The following ESRRB variants were observed in gnomAD, a reference collection of about 807,000 sequenced individuals.
The protein encoded by ESRRB is steroid hormone receptor ERR2.
In ESRRB, 16 loss-of-function variants were observed where a neutral mutation model predicts 46.0. That is an observed-to-expected ratio of 0.35 (90% CI 0.24 to 0.53). The LOEUF (loss-of-function observed/expected upper bound fraction) is 0.53, where lower values mean the gene tolerates loss of function less well. Ranked by LOEUF, ESRRB falls within the 20% of genes least tolerant of loss-of-function variation. The pLI is 0.93. For missense variants in ESRRB, 488 were observed against 607.4 expected, an observed-to-expected ratio of 0.80 and a Z score of 2.07; for synonymous variants, 246 against 259.6, an observed-to-expected ratio of 0.95 and a Z score of 0.50.
rs949830999 is a variant in ESRRB, at chr14:76,436,009, C to T, written c.51-3332C>T. ...CCTGATAGAGTTAATAGCGGGTTTC[C>T]CTCACCAACCCTGATAGAGGCCAGC... On this transcript the variant is annotated intron_variant, in intron 1 of 6. Transcript: ENST00000644823. Among the ~76,000 whole-genome samples, 11 of 152,300 alleles carry T rather than the reference C, an allele frequency of 7.2e-5. No individual in the cohort carries two copies. The South Asian group carries it at 8.3e-4, about 11-fold the overall frequency.
intron 2 of ESRRB, among the ~76,000 whole-genome samples, chr14:76,449,855 C>T (rs963863950): frequency 2.0e-5 from 3 of 148,588 alleles, no homozygotes; most frequent in Non-Finnish European, 4.4e-5. Flanking sequence ...TAGCCTCAAA[C>T]TCCTGGGCTT....
At chr14:76,333,012 T>TTTATATATTATATA (rs1198947763) in intron 1 of ESRRB, among the ~76,000 whole-genome samples, 2 of 14,552 alleles carry the variant, frequency 1.4e-4, no homozygotes, top group African/African-American at 5.5e-4. Flanking sequence ...ATATTATATA[T>TTTATATATTATATA]TTATATATTA....
intron 1 of ESRRB, among the ~76,000 whole-genome samples, chr14:76,365,278 C>T (rs578119898): frequency 5.1e-4 from 78 of 152,164 alleles, no homozygotes; most frequent in Non-Finnish European, 9.7e-4. Context: ...AGTTCAAGGC[C>T]AGCCTTGGCA....
chr14:76,477,935 T>C (rs1002174936), intron 3 of ESRRB, among the ~76,000 whole-genome samples: 3 of 152,064 alleles, frequency 2.0e-5, no homozygotes, highest in Admixed American at 1.3e-4. Context: ...TGAGCCTCAG[T>C]TTTTCTTATT....
chr14:76,451,600 T>G (rs966754959), intron 2 of ESRRB, among the ~76,000 whole-genome samples: 3 of 152,032 alleles, frequency 2.0e-5, no homozygotes, highest in African/African-American at 7.2e-5. Context: ...GGGAGCCCAG[T>G]GAGGAAGCAA....
In ESRRB at chr14:76,364,752, A is replaced by G. The variant is rs539060291; in HGVS notation, c.2+53836A>G. Among the ~76,000 whole-genome samples the G allele has an allele frequency of 9.0e-4, 136 of 151,836 alleles. 1 individual carries two copies. In the Middle Eastern group the frequency reaches 0.014, roughly 16 times the overall value. ...TTGCCTTTTTCTGTTTCTCAGAATC[A>G]CCAACCCAACTTGGGGGCAGGAAGA... On this transcript the variant is annotated intron_variant, in intron 1 of 6. Coordinates refer to the ESRRB transcript ENST00000512784.
intron 1 of ESRRB, among the ~76,000 whole-genome samples, chr14:76,365,471 C>A (rs969408937): frequency 6.6e-6 from 1 of 151,720 alleles, no homozygotes; most frequent in Admixed American, 6.6e-5. Context: ...AGAACAAGAT[C>A]CTGTCTCCAA....
intron 1 of ESRRB, among the ~76,000 whole-genome samples, chr14:76,315,084 C>T (rs1159870155): frequency 6.6e-6 from 1 of 152,058 alleles, no homozygotes; most frequent in East Asian, 1.9e-4. Context: ...TTTATTTCGC[C>T]TGTACTTGGG....
intron 2 of ESRRB, among the ~76,000 whole-genome samples, chr14:76,455,768 G>A (rs971634851): frequency 6.6e-6 from 1 of 152,120 alleles, no homozygotes; most frequent in African/African-American, 2.4e-5. Context: ...TCTCAGCTGG[G>A]TGCAGTGGTT....
At chr14:76,425,499 C>T (rs1388898127) in intron 1 of ESRRB, among the ~76,000 whole-genome samples, 1 of 151,820 alleles carries the variant, frequency 6.6e-6, no homozygotes, top group East Asian at 1.9e-4. Context: ...GGGGGTTCTG[C>T]CTGCCCCTCC....
chr14:76,401,658 G>C (rs1885950863), intron 1 of ESRRB, among the ~76,000 whole-genome samples: 1 of 152,130 alleles, frequency 6.6e-6, no homozygotes, highest in Admixed American at 6.5e-5. Flanking sequence ...ATTTAGTACA[G>C]TAACATGCTG....
intron 1 of ESRRB, among the ~76,000 whole-genome samples, chr14:76,354,389 T>C (rs1884353549): frequency 6.6e-6 from 1 of 152,084 alleles, no homozygotes; most frequent in South Asian, 2.1e-4. Context: ...ACATGGCAAG[T>C]GCTCCTGCGA....
intron 1 of ESRRB, among the ~76,000 whole-genome samples, chr14:76,365,642 T>C (rs1199105762): frequency 1.3e-5 from 2 of 152,328 alleles, no homozygotes; most frequent in East Asian, 3.9e-4. Context: ...GTAGTGTGTG[T>C]GTGTCTGACT....
chr14:76,350,691 C>G (rs1360497344), intron 1 of ESRRB, among the ~76,000 whole-genome samples: 1 of 152,292 alleles, frequency 6.6e-6, no homozygotes. Context: ...ACAGCTGTAT[C>G]GAGGCACTTT....
At chr14:76,369,526 G>A (rs142776171), upstream of ESRRB, among the ~76,000 whole-genome samples, 2,089 of 152,038 alleles carry the variant, frequency 0.014, 51 homozygotes, top group African/African-American at 0.048. Context: ...CACCTGCTTC[G>A]GCCTCCCAAA....
intron 6 of ESRRB, among the ~76,000 whole-genome samples, chr14:76,494,826 G>T (rs980832166): frequency 6.6e-6 from 1 of 152,172 alleles, no homozygotes; most frequent in African/African-American, 2.4e-5. Context: ...GTGCAGGAAG[G>T]CTGGCCAGGC....
intron 6 of ESRRB, 79 bp downstream of exon 6, chr14:76,491,795 G>T: frequency 6.9e-7 from 1 of 1,445,702 alleles, no homozygotes; most frequent in East Asian, 2.5e-5. Flanking sequence ...TGGGGCCTGT[G>T]GGCAGGGCTG....
chr14:76,331,694 C>A, intron 1 of ESRRB, among the ~76,000 whole-genome samples: 1 of 151,974 alleles, frequency 6.6e-6, no homozygotes, highest in East Asian at 1.9e-4. Flanking sequence ...GAGATCTCGA[C>A]ATCACCCTGG....
At chr14:76,441,599 T>C (rs1366684433) in intron 2 of ESRRB, among the ~76,000 whole-genome samples, 3 of 152,252 alleles carry the variant, frequency 2.0e-5, no homozygotes, top group African/African-American at 7.2e-5. Context: ...ATTACAGGCC[T>C]GAGCCACCGT....
Sources: allele counts gnomAD v4.1 joint callset (sites outside exome capture counted in the v4.1 genomes callset), GRCh38; gene constraint gnomAD v4.1.1; transcripts MANE v1.5; gene names NCBI Gene and HGNC (gene_info 2026-07-23, HGNC 2026-07-21).